The following NSMCE2 variants were observed in gnomAD, a reference collection of about 807,000 sequenced individuals.
NSMCE2 encodes the protein E3 SUMO-protein ligase NSE2.
Under a neutral mutation model 23.8 loss-of-function variants are expected in NSMCE2, and 24 were observed. That is an observed-to-expected ratio of 1.01 (90% confidence interval 0.73 to 1.42). The LOEUF (loss-of-function observed/expected upper bound fraction) is 1.42, where lower values mean the gene tolerates loss of function less well. Among genes scored for constraint, NSMCE2 ranks in the 40% most tolerant of loss-of-function variants. The pLI is 0.00. For synonymous variants in NSMCE2, 92 were observed against 94.1 expected (o/e 0.98, Z 0.13); for missense variants, 284 against 296.5 (o/e 0.96, Z 0.31).
At chr8:125,151,618 C>T (rs7839693) in intron 4 of NSMCE2, among the ~76,000 whole-genome samples, 1 of 152,164 alleles carries the variant, frequency 6.6e-6, no homozygotes, top group African/African-American at 2.4e-5. Flanking sequence ...CTTAAACATA[C>T]AATTGAGACC....
intron 5 of NSMCE2, among the ~76,000 whole-genome samples, chr8:125,351,092 G>A (rs990176047): frequency 6.6e-6 from 1 of 152,202 alleles, no homozygotes; most frequent in East Asian, 1.9e-4. Flanking sequence ...AACCAAGAAT[G>A]ATTCCAAAGG....
chr8:125,346,500 G>T (rs559032039), intron 5 of NSMCE2, among the ~76,000 whole-genome samples: 1 of 152,286 alleles, frequency 6.6e-6, no homozygotes, highest in African/African-American at 2.4e-5. Flanking sequence ...CTTTACTGAG[G>T]ATGTAAATAA....
chr8:125,150,623 C>A (rs545929461), intron 3 of NSMCE2, among the ~76,000 whole-genome samples: 10 of 152,042 alleles, frequency 6.6e-5, no homozygotes, highest in Non-Finnish European at 8.8e-5. Flanking sequence ...CTCAAGTGAT[C>A]TGCCTGCCTC....
At chr8:125,312,383 T>C (rs1330534535) in intron 5 of NSMCE2, among the ~76,000 whole-genome samples, 1 of 152,136 alleles carries the variant, frequency 6.6e-6, no homozygotes, top group Non-Finnish European at 1.5e-5. Context: ...CTCAGCACTT[T>C]GGGAGGCTGA....
intron 3 of NSMCE2, among the ~76,000 whole-genome samples, chr8:125,107,678 G>T (rs1308590344): frequency 6.6e-6 from 1 of 152,148 alleles, no homozygotes; most frequent in East Asian, 1.9e-4. Context: ...TGTACTAATG[G>T]TGCAAATGTT....
intron 1 of NSMCE2, among the ~76,000 whole-genome samples, chr8:125,093,304 A>G (rs1817766203): frequency 6.6e-6 from 1 of 152,114 alleles, no homozygotes; most frequent in Non-Finnish European, 1.5e-5. Context: ...TCCTAATACC[A>G]TCACCTTGGA....
At chr8:125,152,272 C>G (rs1304142702) in intron 4 of NSMCE2, among the ~76,000 whole-genome samples, 2 of 152,128 alleles carry the variant, frequency 1.3e-5, no homozygotes, top group Non-Finnish European at 2.9e-5. Flanking sequence ...AATATTTCTT[C>G]CATAGGAAAA....
intron 7 of NSMCE2, among the ~76,000 whole-genome samples, chr8:125,359,330 C>CT (rs34421417): frequency 0.25 from 26,130 of 102,886 alleles, 4,143 homozygotes; most frequent in Admixed American, 0.33. Flanking sequence ...TGCTCTTTCT[C>CT]TTTTTTTTTT....
intron 5 of NSMCE2, among the ~76,000 whole-genome samples, chr8:125,282,274 C>T (rs1234713073): frequency 1.8e-4 from 27 of 152,172 alleles, no homozygotes. Flanking sequence ...CCACTACACC[C>T]AGCAAATTTT....
At chr8:125,299,479 T>G (rs1220802106) in intron 5 of NSMCE2, among the ~76,000 whole-genome samples, 1 of 152,102 alleles carries the variant, frequency 6.6e-6, no homozygotes, top group African/African-American at 2.4e-5. Flanking sequence ...TGCCACACAC[T>G]TTTAAACCAT....
At chr8:125,235,983 G>A (rs537018905) in intron 5 of NSMCE2, among the ~76,000 whole-genome samples, 2 of 152,224 alleles carry the variant, frequency 1.3e-5, no homozygotes, top group African/African-American at 4.8e-5. Context: ...TTCTATTCCT[G>A]GAAATATGGC....
intron 5 of NSMCE2, among the ~76,000 whole-genome samples, chr8:125,285,658 G>A (rs10086862): frequency 0.85 from 129,865 of 152,090 alleles, 55,417 homozygotes; most frequent in Middle Eastern, 0.91. Flanking sequence ...AACATGTGAA[G>A]ACAGTACAAG....
intron 5 of NSMCE2, among the ~76,000 whole-genome samples, chr8:125,189,417 G>A (rs567473165): frequency 6.6e-6 from 1 of 152,356 alleles, no homozygotes; most frequent in South Asian, 2.1e-4. Flanking sequence ...AGGAGAGGAA[G>A]TTGCTTATGA....
intron 5 of NSMCE2, among the ~76,000 whole-genome samples, chr8:125,341,530 A>T (rs1830243955): frequency 6.6e-6 from 1 of 152,120 alleles, no homozygotes; most frequent in Non-Finnish European, 1.5e-5. Context: ...AACTATTTCC[A>T]GAGTTCTCCT....
At chr8:125,365,297 T>C (rs918415629) in intron 7 of NSMCE2, among the ~76,000 whole-genome samples, 1 of 152,174 alleles carries the variant, frequency 6.6e-6, no homozygotes, top group Non-Finnish European at 1.5e-5. Flanking sequence ...TCCCTTTCGC[T>C]TATGCTCCAC....
chr8:125,111,628 C>T (rs1007556989), intron 3 of NSMCE2, among the ~76,000 whole-genome samples: 2 of 152,062 alleles, frequency 1.3e-5, no homozygotes, highest in Non-Finnish European at 2.9e-5. Context: ...GGTGAAACCC[C>T]ATCTCTACCA....
intron 5 of NSMCE2, among the ~76,000 whole-genome samples, chr8:125,345,683 G>A (rs115235431): frequency 6.6e-6 from 1 of 152,226 alleles, no homozygotes; most frequent in Non-Finnish European, 1.5e-5. Context: ...GAGTCTTGGA[G>A]GGTGGTCAGA....
intron 7 of NSMCE2, among the ~76,000 whole-genome samples, chr8:125,364,868 G>A (rs1029257391): frequency 2.6e-5 from 4 of 152,156 alleles, no homozygotes; most frequent in African/African-American, 9.7e-5. Flanking sequence ...AATTGCCTGT[G>A]GTCTCATAAC....
chr8:125,097,939 C>T (rs1449786055), intron 1 of NSMCE2, among the ~76,000 whole-genome samples: 1 of 152,118 alleles, frequency 6.6e-6, no homozygotes, highest in Non-Finnish European at 1.5e-5. Flanking sequence ...ACCAACCCTT[C>T]CTGCTTTTTT....
Sources: gnomAD v4.1 joint callset for allele counts (sites outside exome capture counted in the v4.1 genomes callset) on GRCh38, gnomAD v4.1.1 for gene constraint, MANE v1.5 for transcripts, NCBI Gene and HGNC (gene_info 2026-07-23, HGNC 2026-07-21) for gene names.